APBB2: variants seen among roughly 807,000 people sequenced by gnomAD.
The protein encoded by APBB2 is Fe65-like 1.
A neutral mutation model predicts 82.5 loss-of-function variants in APBB2; 38 were observed. That is an observed-to-expected ratio of 0.46 (90% CI 0.36 to 0.60). The LOEUF (loss-of-function observed/expected upper bound fraction) is 0.60. Ranked by LOEUF, APBB2 falls within the 20% of genes least tolerant of loss-of-function variation. The pLI is 0.00. For synonymous variants in APBB2, 341 were observed against 368.2 expected (o/e 0.93, Z 0.85); for missense variants, 772 against 972.3 (o/e 0.79, Z 2.74).
intron 6 of APBB2, among the ~76,000 whole-genome samples, chr4:40,996,651 T>C (rs776537850): frequency 2.6e-5 from 4 of 152,214 alleles, no homozygotes; most frequent in Non-Finnish European, 5.9e-5. Context: ...TAACATTTTC[T>C]TAGTCTTCAA....
rs1404036962 is a variant in APBB2, at chr4:40,835,674, C to G, written c.1530-5097G>C. 3.9e-5 allele frequency among the ~76,000 whole-genome samples: 6 copies of G among 152,328 alleles called. No homozygotes were observed. The East Asian group carries it at 1.2e-3, about 29-fold the overall frequency. ...GTCTTGCCAGGACTGGCCCTTACTC[C>G]GAGCCATCCCAGTCTTGCAATATTA... On this transcript the variant is annotated intron_variant, in intron 12 of 17. Coordinates refer to ENST00000508593, the MANE Select transcript of APBB2 (RefSeq NM_004307.2).
At chr4:41,160,019 A>AGAAGAAGAAGAG (rs1560914260) in intron 1 of APBB2, among the ~76,000 whole-genome samples, 2 of 148,168 alleles carry the variant, frequency 1.3e-5, no homozygotes, top group Non-Finnish European at 3.0e-5. Context: ...AAGAAGAAGA[A>AGAAGAAGAAGAG]GAAGAAGAAG....
intron 2 of APBB2, among the ~76,000 whole-genome samples, chr4:41,139,636 A>G (rs1460342949): frequency 6.6e-6 from 1 of 152,184 alleles, no homozygotes; most frequent in Non-Finnish European, 1.5e-5. Flanking sequence ...GGAAACTTAA[A>G]CGCACATTGG....
At position 40,887,758 on chromosome 4, in the gene APBB2, C is replaced by G. The variant is rs371148395; in HGVS notation, c.1529+2606G>C. Among the ~76,000 whole-genome samples the G allele has an allele frequency of 1.1e-4, 16 of 152,202 alleles. No individual in the cohort carries two copies. The South Asian group carries it at 3.1e-3, about 30-fold the overall frequency. ...TGAGGTCCTGCTAGCTATGTGGAAC[C>G]CTCCCATGATCTCGCTGAGGTCCTG... On this transcript the variant is annotated intron_variant, in intron 12 of 17. Transcript: ENST00000508593.
chr4:40,943,691 A>G (rs984750357), intron 7 of APBB2, among the ~76,000 whole-genome samples: 23 of 152,242 alleles, frequency 1.5e-4, no homozygotes, highest in Admixed American at 3.3e-4. Flanking sequence ...CTTCAATAAA[A>G]AGTTGTTAAA....
At chr4:41,135,272 A>C (rs1484382549) in intron 2 of APBB2, among the ~76,000 whole-genome samples, 1 of 152,170 alleles carries the variant, frequency 6.6e-6, no homozygotes, top group African/African-American at 2.4e-5. Flanking sequence ...CATGACGATT[A>C]CATTCAAAAC....
rs530167804 is a variant in APBB2 at position 40,984,762 on chromosome 4, A to G, written c.835+28821T>C. ...ATTTATTTATTTTTTGGTAAAGAAT[A>G]GTTTGCATAAAGAGGCTGACATACC... On this transcript the variant is annotated intron_variant, in intron 6 of 17. Coordinates refer to ENST00000508593, the MANE Select transcript of APBB2 (RefSeq NM_004307.2). Among the ~76,000 whole-genome samples, 17 of 152,334 alleles carry G rather than the reference A, an allele frequency of 1.1e-4. No homozygotes were observed. In the South Asian group the frequency reaches 2.5e-3, roughly 22 times the overall value.
intron 10 of APBB2, among the ~76,000 whole-genome samples, chr4:40,919,336 A>G (rs1352977927): frequency 6.6e-6 from 1 of 152,186 alleles, no homozygotes; most frequent in African/African-American, 2.4e-5. Context: ...TTCTTTACAC[A>G]TGTCCTCACG....
chr4:40,968,831 C>T (rs189018723), intron 6 of APBB2, among the ~76,000 whole-genome samples: 1 of 152,306 alleles, frequency 6.6e-6, no homozygotes, highest in Non-Finnish European at 1.5e-5. Flanking sequence ...TGTCCCCACC[C>T]AAACCTCATC....
Position 41,114,409 on chromosome 4 carries a change from CACAAG to C in APBB2, c.-260-13664_-260-13660del, listed in dbSNP as rs371882497. Among the ~76,000 whole-genome samples, 915 of 152,248 alleles carry C rather than the reference CACAAG, an allele frequency of 6.0e-3. 9 individuals are homozygous for C. The highest frequency in any genetic ancestry group is 0.019 in the African/African-American group (802 of 41,540). ...TGGAAGCATTCCCTTTGAAAACTGG[CACAAG>C]ACAAGGATGCCCTCTCTCATCACTC... On this transcript the variant is annotated intron_variant, in intron 2 of 17. Coordinates refer to ENST00000508593, the MANE Select transcript of APBB2 (RefSeq NM_004307.2).
rs147530428 is a variant in APBB2 at position 41,200,804 on chromosome 4, TC to T, written c.-417+13600del. Among the ~76,000 whole-genome samples, 1,464 of 152,310 alleles carry T rather than the reference TC, an allele frequency of 9.6e-3. 32 individuals are homozygous for T. Among genetic ancestry groups the T allele is most frequent in the African/African-American group, 0.033 (1,383 of 41,570 alleles). On this transcript the variant is annotated intron_variant, in intron 1 of 17. Coordinates refer to ENST00000508593, the MANE Select transcript of APBB2 (RefSeq NM_004307.2). ...GCTTGGTCCTTAGACCTCTCTATCG[TC>T]CTGGGGAATTCCCAGTGTTACAATC...
intron 12 of APBB2, among the ~76,000 whole-genome samples, chr4:40,850,383 A>G (rs1758957548): frequency 1.3e-5 from 2 of 152,202 alleles, no homozygotes; most frequent in Non-Finnish European, 2.9e-5. Flanking sequence ...CAAGTGTAGA[A>G]ATACCCCAAA....
At chr4:40,954,514 A>AC (rs1391780941) in intron 6 of APBB2, among the ~76,000 whole-genome samples, 1 of 152,188 alleles carries the variant, frequency 6.6e-6, no homozygotes, top group Non-Finnish European at 1.5e-5. Context: ...GGCCTAAGAC[A>AC]CTAGTTCTCA....
chr4:40,822,079 C>G, intron 16 of APBB2, 29 bp from the exon 17 acceptor site: 1 of 1,610,786 alleles, frequency 6.2e-7, no homozygotes, highest in South Asian at 1.1e-5. Context: ...GGCATCCAAT[C>G]AGGAGATCCC....
chr4:41,122,489 A>G (rs1268078439), intron 2 of APBB2, among the ~76,000 whole-genome samples: 1 of 152,152 alleles, frequency 6.6e-6, no homozygotes, highest in Non-Finnish European at 1.5e-5. Context: ...ACTAGAGTCC[A>G]TTGTCTTCCC....
chr4:40,969,281 AG>A (rs879291432), intron 6 of APBB2, among the ~76,000 whole-genome samples: 4 of 152,214 alleles, frequency 2.6e-5, no homozygotes, highest in Non-Finnish European at 5.9e-5. Context: ...CCTGAAGTTA[AG>A]GACCCTGAAG....
At chr4:41,195,611 T>A in intron 1 of APBB2, among the ~76,000 whole-genome samples, 5 of 152,130 alleles carry the variant, frequency 3.3e-5, no homozygotes, top group South Asian at 2.1e-4. Flanking sequence ...TAAGTTAGAT[T>A]GTTACCCTTG....
intron 1 of APBB2, among the ~76,000 whole-genome samples, chr4:41,178,451 C>G (rs1005179854): frequency 1.3e-5 from 2 of 152,178 alleles, no homozygotes; most frequent in Non-Finnish European, 1.5e-5. Flanking sequence ...ATGTAATTCT[C>G]TATTTGAGTG....
At position 40,832,828 on chromosome 4, in the gene APBB2, G is replaced by C. The variant is rs1446183766; in HGVS notation, c.1530-2251C>G. On this transcript the variant is annotated intron_variant, in intron 12 of 17. Transcript: ENST00000508593. The surrounding 1 kb of genome is among the most constrained non-coding windows in gnomAD (Gnocchi z 4.8). ...TCATCCCAGCGTCTAGTTCAGGCCT[G>C]GCGTATCACCGGTACTAATACATGT... is the stretch of plus-strand genomic sequence containing the variant. 6.6e-6 allele frequency among the ~76,000 whole-genome samples: 1 copy of C among 152,162 alleles called. No individual in the cohort carries two copies. The highest frequency in any genetic ancestry group is 1.5e-5 in the Non-Finnish European group (1 of 68,028).
Sources: gnomAD v4.1 joint callset for allele counts (sites outside exome capture counted in the v4.1 genomes callset) on GRCh38, gnomAD v4.1.1 for gene constraint, Gnocchi (gnomAD v3.1) non-coding constraint, MANE v1.5 for transcripts, NCBI Gene and HGNC (gene_info 2026-07-23, HGNC 2026-07-21) for gene names.